Variants in PPP1R13B observed in about 807,000 individuals in gnomAD.
PPP1R13B encodes the protein apoptosis-stimulating of p53 protein 1.
A neutral mutation model predicts 119.8 loss-of-function variants in PPP1R13B; 44 were observed. That is an observed-to-expected ratio of 0.37 (90% CI 0.29 to 0.47). The LOEUF is 0.47. PPP1R13B is among the 20% of genes least tolerant of loss of function. The probability of loss-of-function intolerance (pLI) is 0.99; values close to 1 mark genes in which losing one functional copy is unlikely to be tolerated. For synonymous variants in PPP1R13B, 542 were observed against 561.5 expected, an observed-to-expected ratio of 0.97 and a Z score of 0.49; for missense variants, 1,227 against 1,413.5, an observed-to-expected ratio of 0.87 and a Z score of 2.12.
intron 4 of PPP1R13B, among the ~76,000 whole-genome samples, chr14:103,765,726 G>A (rs1471171307): frequency 6.6e-6 from 1 of 152,094 alleles, no homozygotes; most frequent in African/African-American, 2.4e-5. Flanking sequence ...TAAGACCTAG[G>A]AGGCAATGCC....
intron 1 of PPP1R13B, among the ~76,000 whole-genome samples, chr14:103,799,266 C>T (rs2085836771): frequency 6.6e-6 from 1 of 152,120 alleles, no homozygotes; most frequent in South Asian, 2.1e-4. Context: ...GCAAGCTCTG[C>T]CTCTTGGGTT....
At chr14:103,744,701 G>C (rs1321217162) in intron 9 of PPP1R13B, among the ~76,000 whole-genome samples, 1 of 152,212 alleles carries the variant, frequency 6.6e-6, no homozygotes, top group African/African-American at 2.4e-5. Context: ...GGTCACTCTG[G>C]GTTTACTGTG....
chr14:103,757,216 T>C lies in PPP1R13B; in HGVS notation c.456+434A>G, dbSNP rs1567099204. Among the ~76,000 whole-genome samples the C allele has an allele frequency of 3.9e-5, 6 of 152,042 alleles. No homozygotes were observed. In the South Asian group the frequency reaches 1.2e-3, roughly 32 times the overall value. On this transcript the variant is annotated intron_variant, in intron 5 of 16. Coordinates refer to ENST00000202556, the MANE Select transcript of PPP1R13B (RefSeq NM_015316.3). Reference sequence around the variant, plus strand: ...CTGGGACCACAGCCACATGCCACCATGCCTAATTTTTACTTTTTGTAGAGA... The same window carrying C: ...CTGGGACCACAGCCACATGCCACCACGCCTAATTTTTACTTTTTGTAGAGA...
rs1402425783 is a variant in PPP1R13B at position 103,733,776 on chromosome 14, C to T, written c.*1378G>A. On this transcript the variant is annotated 3_prime_UTR_variant, in exon 17 of 17. Transcript: ENST00000202556. ...GCCGGGGTGAGACGGGTTTATTGTG[C>T]ACATTTACACAGCGTCAGCAGCGTC... 1 of 152,274 alleles carries T rather than the reference C, an allele frequency of 6.6e-6. No individual in the cohort carries two copies. The highest frequency in any genetic ancestry group is 1.9e-4 in the East Asian group (1 of 5,200). 9.4% of individuals were successfully genotyped at this position (152,274 alleles called of 1,614,324 possible).
chr14:103,748,949 G>A (rs982535793), intron 8 of PPP1R13B, among the ~76,000 whole-genome samples: 1 of 152,190 alleles, frequency 6.6e-6, no homozygotes, highest in Non-Finnish European at 1.5e-5. Flanking sequence ...TTCAGTTAAA[G>A]TTCTGTACCT....
intron 2 of PPP1R13B, among the ~76,000 whole-genome samples, chr14:103,794,126 C>T (rs1012641933): frequency 1.3e-5 from 2 of 152,140 alleles, no homozygotes; most frequent in African/African-American, 4.8e-5. Context: ...TTCTGGCCTC[C>T]ATCACTGTGA....
At chr14:103,844,209 G>A (rs1040098269) in intron 1 of PPP1R13B, among the ~76,000 whole-genome samples, 1 of 151,900 alleles carries the variant, frequency 6.6e-6, no homozygotes, top group Non-Finnish European at 1.5e-5. Context: ...GGAGGTCGCC[G>A]TAAGCTGAGA....
chr14:103,815,335 A>C (rs2086252974), intron 1 of PPP1R13B, among the ~76,000 whole-genome samples: 2 of 152,208 alleles, frequency 1.3e-5, no homozygotes, highest in African/African-American at 4.8e-5. Context: ...TTGGGATGAA[A>C]ATATAAAACT....
chr14:103,788,768 G>A (rs2085535020), intron 2 of PPP1R13B, among the ~76,000 whole-genome samples: 1 of 152,052 alleles, frequency 6.6e-6, no homozygotes. Context: ...GGCTTCATGA[G>A]ATATTGTAAC....
intron 1 of PPP1R13B, among the ~76,000 whole-genome samples, chr14:103,815,581 C>T (rs1048129706): frequency 6.6e-6 from 1 of 151,772 alleles, no homozygotes; most frequent in Non-Finnish European, 1.5e-5. Flanking sequence ...CATGGTGAAA[C>T]GCTGTCTCTA....
chr14:103,761,526 G>C (rs1316698113), intron 4 of PPP1R13B, among the ~76,000 whole-genome samples: 1 of 151,956 alleles, frequency 6.6e-6, no homozygotes. Context: ...CGCTTTGGGA[G>C]GCCAAGGTGG....
intron 1 of PPP1R13B, among the ~76,000 whole-genome samples, chr14:103,827,612 T>C (rs943943892): frequency 2.7e-5 from 4 of 149,056 alleles, no homozygotes; most frequent in Non-Finnish European, 5.9e-5. Flanking sequence ...ATATATGGTA[T>C]ATATAATACT....
chr14:103,777,702 A>G (rs2085239611), intron 4 of PPP1R13B, among the ~76,000 whole-genome samples: 1 of 151,846 alleles, frequency 6.6e-6, no homozygotes. Context: ...TTCATATAAT[A>G]TTTTGAAATA....
At chr14:103,794,328 G>GTTT (rs60972985) in intron 2 of PPP1R13B, among the ~76,000 whole-genome samples, 1 of 140,688 alleles carries the variant, frequency 7.1e-6, no homozygotes, top group Non-Finnish European at 1.5e-5. Flanking sequence ...TTTGTTTTTT[G>GTTT]TTTTTTTTTT....
chr14:103,835,763 C>A (rs1364689466), intron 1 of PPP1R13B, among the ~76,000 whole-genome samples: 1 of 151,958 alleles, frequency 6.6e-6, no homozygotes, highest in African/African-American at 2.4e-5. Flanking sequence ...CGCCCGCCAC[C>A]ATGCCCAGCT....
At chr14:103,747,781 G>A (rs1036340706) in intron 8 of PPP1R13B, among the ~76,000 whole-genome samples, 1 of 152,100 alleles carries the variant, frequency 6.6e-6, no homozygotes, top group Non-Finnish European at 1.5e-5. Context: ...CCATTCCTGA[G>A]TTACTTCACT....
intron 11 of PPP1R13B, among the ~76,000 whole-genome samples, chr14:103,741,040 C>T (rs2084244807): frequency 1.3e-5 from 2 of 152,210 alleles, no homozygotes; most frequent in African/African-American, 4.8e-5. Flanking sequence ...ATGGTCTAAG[C>T]CTTTCCCACC....
intron 1 of PPP1R13B, among the ~76,000 whole-genome samples, chr14:103,799,157 G>A (rs2085833417): frequency 6.6e-6 from 1 of 151,770 alleles, no homozygotes; most frequent in Non-Finnish European, 1.5e-5. Context: ...ATATCACCAC[G>A]CCCAGCTAAT....
At chr14:103,826,710 CAAA>C (rs552679526) in intron 1 of PPP1R13B, among the ~76,000 whole-genome samples, 1 of 88,298 alleles carries the variant, frequency 1.1e-5, no homozygotes, top group Non-Finnish European at 2.4e-5. Flanking sequence ...CTGTCTCTAC[CAAA>C]AAAAAAAAAA....
Sources: allele counts gnomAD v4.1 joint callset (sites outside exome capture counted in the v4.1 genomes callset), GRCh38; gene constraint gnomAD v4.1.1; transcripts MANE v1.5; gene names NCBI Gene and HGNC (gene_info 2026-07-23, HGNC 2026-07-21).